LPP: variants seen among roughly 807,000 people sequenced by gnomAD.
LPP encodes LIM domain containing preferred translocation partner in lipoma.
A neutral mutation model predicts 60.4 loss-of-function variants in LPP; 38 were observed. The observed-to-expected ratio is 0.63, with a 90% CI of 0.49 to 0.83. LPP has a LOEUF of 0.83. LPP is among the 40% of genes least tolerant of loss of function. The probability of loss-of-function intolerance (pLI) is 0.00; values close to 1 mark genes in which losing one functional copy is unlikely to be tolerated. For synonymous variants in LPP, 328 were observed against 290.8 expected, an observed-to-expected ratio of 1.13 and a Z score of -1.30; for missense variants, 902 against 783.6, an observed-to-expected ratio of 1.15 and a Z score of -1.80.
chr3:188,821,291 G>A (rs1753895771), intron 9 of LPP, among the ~76,000 whole-genome samples: 1 of 148,882 alleles, frequency 6.7e-6, no homozygotes, highest in East Asian at 2.0e-4. Flanking sequence ...TTATCTGGAT[G>A]GTTTTAAAAC....
intron 9 of LPP, among the ~76,000 whole-genome samples, chr3:188,846,076 G>C (rs115282358): frequency 1.1e-3 from 171 of 152,332 alleles, no homozygotes; most frequent in African/African-American, 4.0e-3. Flanking sequence ...CACGCCTGCT[G>C]TTTGTGCAGA....
At chr3:188,534,746 T>C (rs1823114858) in intron 6 of LPP, among the ~76,000 whole-genome samples, 2 of 152,230 alleles carry the variant, frequency 1.3e-5, no homozygotes, top group African/African-American at 4.8e-5. Context: ...TTATATACTT[T>C]ATAGCCAAAC....
At chr3:188,585,991 T>C (rs999954523) in intron 6 of LPP, among the ~76,000 whole-genome samples, 4 of 152,178 alleles carry the variant, frequency 2.6e-5, no homozygotes, top group Non-Finnish European at 5.9e-5. Context: ...CTGGAAAGGG[T>C]CTCTTTGGGG....
chr3:188,609,627 G>T lies in LPP; in HGVS notation c.896G>T (p.Gly299Val). 2 of 1,614,140 alleles carry T rather than the reference G, an allele frequency of 1.2e-6. No homozygotes were observed. The highest frequency in any genetic ancestry group is 1.7e-6 in the Non-Finnish European group (2 of 1,180,036). The change falls in exon 7 of 12, where the codon GGC becomes GTC. Residue 299 changes from glycine to valine, a missense_variant. Coordinates refer to ENST00000617246, the MANE Select transcript of LPP (RefSeq NM_001375462.1). The surrounding 1 kb of genome is among the most constrained non-coding windows in gnomAD (Gnocchi z 6.9). ...YAPNQGRYYEGYYAAGPGYGG... is the reference protein window; with the variant it reads ...YAPNQGRYYEVYYAAGPGYGG... ...CCCAACCAGGGACGCTATTATGAAG[G>T]CTACTATGCAGCAGGGCCAGGCTAT...
chr3:188,599,738 G>T (rs1042939560), intron 6 of LPP, among the ~76,000 whole-genome samples: 1 of 137,148 alleles, frequency 7.3e-6, no homozygotes, highest in Non-Finnish European at 1.6e-5. Flanking sequence ...AAAACTATCG[G>T]GGACTCGTTA....
chr3:188,865,683 GT>G (rs5855229), intron 9 of LPP, among the ~76,000 whole-genome samples: 70,486 of 150,318 alleles, frequency 0.47, 17,185 homozygotes, highest in East Asian at 0.84. Flanking sequence ...CCCATTGTCT[GT>G]TTTTTTTTTG....
At chr3:188,734,415 G>T (rs1163813679) in intron 8 of LPP, among the ~76,000 whole-genome samples, 1 of 152,130 alleles carries the variant, frequency 6.6e-6, no homozygotes, top group African/African-American at 2.4e-5. Context: ...TGCTGAATTT[G>T]GTATTTTGTC....
intron 5 of LPP, among the ~76,000 whole-genome samples, chr3:188,522,660 A>T (rs1819200059): frequency 6.6e-6 from 1 of 151,782 alleles, no homozygotes; most frequent in Non-Finnish European, 1.5e-5. Flanking sequence ...ATGGTGGCAG[A>T]TATTATTTAA....
At chr3:188,765,005 G>A (rs1268644603) in intron 9 of LPP, among the ~76,000 whole-genome samples, 1 of 152,140 alleles carries the variant, frequency 6.6e-6, no homozygotes, top group Admixed American at 6.5e-5. Flanking sequence ...GCTCCCTTAT[G>A]TCATCAAATG....
chr3:188,422,949 G>GTA (rs1195352805), intron 4 of LPP, among the ~76,000 whole-genome samples: 9 of 150,748 alleles, frequency 6.0e-5, no homozygotes, highest in African/African-American at 2.2e-4. Flanking sequence ...GTGTGTGTGT[G>GTA]TGTGTGTGTT....
intron 8 of LPP, among the ~76,000 whole-genome samples, chr3:188,715,128 C>T (rs1031552810): frequency 6.6e-6 from 1 of 151,822 alleles, no homozygotes; most frequent in African/African-American, 2.4e-5. Flanking sequence ...GCCTGTAATC[C>T]CAGCACTTTG....
At chr3:188,218,811 T>C (rs1577350692) in intron 1 of LPP, among the ~76,000 whole-genome samples, 1 of 152,210 alleles carries the variant, frequency 6.6e-6, no homozygotes, top group East Asian at 1.9e-4. Flanking sequence ...GAAATAGCAC[T>C]ATGAATAACA....
At position 188,213,385 on chromosome 3, in the gene LPP, A is replaced by G. The variant is rs556468371; in HGVS notation, c.-189-12020A>G. 3.9e-5 allele frequency among the ~76,000 whole-genome samples: 6 copies of G among 152,254 alleles called. No individual in the cohort carries two copies. In the South Asian group the frequency reaches 1.2e-3, roughly 32 times the overall value. ...CAGTGTGAGATAATGGGCAGCAGAG[A>G]CCCAGGCCCTGAAGACAGATGGCTC... On this transcript the variant is annotated intron_variant, in intron 1 of 11. Coordinates refer to ENST00000617246, the MANE Select transcript of LPP (RefSeq NM_001375462.1).
intron 2 of LPP, among the ~76,000 whole-genome samples, chr3:188,270,434 C>T (rs995529144): frequency 6.6e-6 from 1 of 152,146 alleles, no homozygotes; most frequent in East Asian, 1.9e-4. Context: ...TTCTCAAGTT[C>T]AGAGTTTGAA....
chr3:188,173,610 T>C (rs759398400), intron 1 of LPP, among the ~76,000 whole-genome samples: 42 of 152,004 alleles, frequency 2.8e-4, no homozygotes, highest in Admixed American at 4.6e-4. Flanking sequence ...ACGTATAATG[T>C]TGTAATCATG....
chr3:188,838,445 G>A (rs1759047855), intron 9 of LPP, among the ~76,000 whole-genome samples: 1 of 152,140 alleles, frequency 6.6e-6, no homozygotes, highest in Non-Finnish European at 1.5e-5. Context: ...AAAAGGTATG[G>A]CTTATCCAGC....
At chr3:188,308,270 T>C in intron 2 of LPP, among the ~76,000 whole-genome samples, 1 of 152,136 alleles carries the variant, frequency 6.6e-6, no homozygotes, top group Non-Finnish European at 1.5e-5. Context: ...CTATGGGCTG[T>C]GATATGCCTA....
intron 2 of LPP, among the ~76,000 whole-genome samples, chr3:188,305,154 T>A (rs1450881100): frequency 2.6e-5 from 4 of 152,138 alleles, no homozygotes; most frequent in African/African-American, 9.7e-5. Flanking sequence ...TCAATGTACT[T>A]AAAAAAATTA....
chr3:188,378,082 A>G (rs1477289471), intron 3 of LPP, among the ~76,000 whole-genome samples: 1 of 152,174 alleles, frequency 6.6e-6, no homozygotes, highest in Non-Finnish European at 1.5e-5. Flanking sequence ...GTCTCAGAGG[A>G]GTACCCGGCC....
Sources: allele counts gnomAD v4.1 joint callset (sites outside exome capture counted in the v4.1 genomes callset), GRCh38; gene constraint gnomAD v4.1.1; non-coding constraint Gnocchi (gnomAD v3.1); transcripts MANE v1.5; gene names NCBI Gene and HGNC (gene_info 2026-07-23, HGNC 2026-07-21).